The following YTHDC1 variants were observed in gnomAD, a reference collection of about 807,000 sequenced individuals.
YTHDC1 encodes the protein YTH N6-methyladenosine RNA binding protein C1.
Under a neutral mutation model 107.0 loss-of-function variants are expected in YTHDC1, and 12 were observed. The ratio of observed to expected loss-of-function variants is 0.11; its 90% CI spans 0.07 to 0.18. The LOEUF (loss-of-function observed/expected upper bound fraction) is 0.18, where lower values mean the gene tolerates loss of function less well. YTHDC1 is among the 10% of genes least tolerant of loss of function. The pLI is 1.00. For missense variants in YTHDC1, 635 were observed against 898.8 expected, an observed-to-expected ratio of 0.71 and a Z score of 3.75; for synonymous variants, 280 against 289.5, an observed-to-expected ratio of 0.97 and a Z score of 0.33.
Position 68,349,734 on chromosome 4 carries a change from TC to T in YTHDC1, c.19del (p.Glu7ArgfsTer14). On this transcript the variant is annotated frameshift_variant, in exon 1 of 17. Transcript: ENST00000344157. LOFTEE classifies it high-confidence loss of function. MAADSR[E>X]EKDGELNVLD... ...TCTTTCTCCGCACTAACCTTTCTCC[TC>T]CCGACTGTCAGCCGCCATGGCTCCC... is the stretch of plus-strand genomic sequence containing the variant. The T allele has an allele frequency of 6.2e-7, 1 of 1,608,214 alleles. No homozygotes were observed. The highest frequency in any genetic ancestry group is 8.5e-7 in the Non-Finnish European group (1 of 1,178,370).
intron 4 of YTHDC1, 38 bp from the exon 5 acceptor site, chr4:68,333,435 C>T: frequency 6.9e-7 from 1 of 1,446,766 alleles, no homozygotes; most frequent in Non-Finnish European, 9.6e-7. Flanking sequence ...AATCACAATA[C>T]AGAAACGAAG....
At chr4:68,332,262 G>C (rs562328186) in intron 6 of YTHDC1, 65 bp from the exon 7 acceptor site, 1 of 1,085,132 alleles carries the variant, frequency 9.2e-7, no homozygotes. Flanking sequence ...GGTCAAAACT[G>C]TACTAACTGA....
At chr4:68,338,778 A>G (rs561803587) in intron 1 of YTHDC1, among the ~76,000 whole-genome samples, 104 of 152,324 alleles carry the variant, frequency 6.8e-4, no homozygotes, top group Non-Finnish European at 1.2e-3. Context: ...TGAACCTGGG[A>G]AGCAGAGGTT....
chr4:68,343,744 G>A (rs987584957), intron 1 of YTHDC1, among the ~76,000 whole-genome samples: 1 of 150,072 alleles, frequency 6.7e-6, no homozygotes, highest in Non-Finnish European at 1.5e-5. Context: ...TGCCATGTTG[G>A]CCATGCTGGT....
Position 68,349,876 on chromosome 4 carries a change from C to A in YTHDC1, c.-123G>T. On this transcript the variant is annotated 5_prime_UTR_variant, in exon 1 of 17. Coordinates refer to ENST00000344157, the MANE Select transcript of YTHDC1 (RefSeq NM_001031732.4). ...AGTCCGTCTGCCCGGATACGCGCGT[C>A]GCACTTGGCCTCTTAACACTCAGCC... The A allele has an allele frequency of 7.3e-7, 1 of 1,369,496 alleles. No homozygotes were observed. The highest frequency in any genetic ancestry group is 1.2e-5 in the South Asian group (1 of 82,522). 84.8% of individuals were successfully genotyped at this position (1,369,496 alleles called of 1,614,324 possible).
chr4:68,343,498 G>A (rs1273111304), intron 1 of YTHDC1, among the ~76,000 whole-genome samples: 7 of 145,166 alleles, frequency 4.8e-5, no homozygotes, highest in Admixed American at 1.4e-4. Flanking sequence ...CACCGTGCCC[G>A]GCCTTAAAAA....
At chr4:68,327,883 A>G (rs944150380) in intron 9 of YTHDC1, among the ~76,000 whole-genome samples, 1 of 152,194 alleles carries the variant, frequency 6.6e-6, no homozygotes, top group Non-Finnish European at 1.5e-5. Flanking sequence ...ATAGAACTTG[A>G]GTATTAAAAC....
At chr4:68,349,447 C>CCT (rs1725829063) in intron 1 of YTHDC1, among the ~76,000 whole-genome samples, 2 of 152,170 alleles carry the variant, frequency 1.3e-5, no homozygotes, top group Admixed American at 6.5e-5. Flanking sequence ...AGAAAGGGCC[C>CCT]CTCTCAGCCC....
At chr4:68,316,163 A>AT (rs1445802357) in intron 16 of YTHDC1, 151 bp downstream of exon 16, 6 of 843,450 alleles carry the variant, frequency 7.1e-6, no homozygotes, top group Non-Finnish European at 1.0e-5. Context: ...ATAATCAGGC[A>AT]TTTTTAATAA....
rs1319929019 is a variant in YTHDC1, at chr4:68,337,339, A to G, written c.571T>C (p.Ser191Pro). 1 of 1,614,026 alleles carries G rather than the reference A, an allele frequency of 6.2e-7. No individual in the cohort carries two copies. Among genetic ancestry groups the G allele is most frequent in the Admixed American group, 1.7e-5 (1 of 59,978 alleles). Residue 191 changes from serine to proline, a missense_variant, in exon 4 of 17, where the codon TCT becomes CCT. Physicochemically the swap from Ser to Pro is moderately conservative, Grantham distance 74. Transcript: ENST00000344157. Reference sequence around the variant, plus strand: ...TCAGTGTTGTTCCCTTGCTCATCAGAAGAACCACTGCTGCCAGTCTCATGG... The same window carrying G: ...TCAGTGTTGTTCCCTTGCTCATCAGGAGAACCACTGCTGCCAGTCTCATGG... ...SDHETGSSGS[S>P]DEQGNNTENE...
intron 2 of YTHDC1, 35 bp downstream of exon 2, chr4:68,338,248 G>A: frequency 6.5e-7 from 1 of 1,534,162 alleles, no homozygotes; most frequent in South Asian, 1.2e-5. Context: ...TATTTATACT[G>A]TTATTTCAAC....
At chr4:68,343,873 CTACAT>C (rs1391084906) in intron 1 of YTHDC1, among the ~76,000 whole-genome samples, 5 of 151,962 alleles carry the variant, frequency 3.3e-5, no homozygotes, top group African/African-American at 1.2e-4. Flanking sequence ...TGAAACAATC[CTACAT>C]TAAACAGTAT....
rs1321893622 is a variant in YTHDC1, at chr4:68,337,244, ATCT to A, written c.663_665del (p.Glu221del). 6.3e-7 allele frequency: 1 copy of A among 1,598,142 alleles called. No homozygotes were observed. Among genetic ancestry groups the A allele is most frequent in the African/African-American group, 1.4e-5 (1 of 72,148 alleles). ...CCTCTCCATCTTCATCCACCTCTTCATCTTCTTCTGCATCTTCTTCTACTTCTT... is the reference window on the plus strand; with the variant it reads ...CCTCTCCATCTTCATCCACCTCTTCATCTTCTGCATCTTCTTCTACTTCTT... On this transcript the variant is annotated inframe_deletion, in exon 4 of 17. Transcript: ENST00000344157.
intron 1 of YTHDC1, among the ~76,000 whole-genome samples, chr4:68,347,161 G>C (rs1725541827): frequency 3.3e-5 from 5 of 152,098 alleles, no homozygotes; most frequent in Admixed American, 3.3e-4. Context: ...TTCTAGTCTG[G>C]TAATCTAGAA....
chr4:68,329,096 C>T (rs1006124518), intron 9 of YTHDC1, among the ~76,000 whole-genome samples: 2 of 152,144 alleles, frequency 1.3e-5, no homozygotes, highest in Admixed American at 6.6e-5. Flanking sequence ...CAGCTCCTCA[C>T]TATCCTACAA....
intron 15 of YTHDC1, among the ~76,000 whole-genome samples, chr4:68,317,569 T>C (rs1414388347): frequency 6.6e-6 from 1 of 152,242 alleles, no homozygotes; most frequent in Non-Finnish European, 1.5e-5. Context: ...TCTTAAAATA[T>C]ACTCTAAGAC....
At chr4:68,330,165 T>C (rs753923382) in intron 8 of YTHDC1, 37 bp downstream of exon 8, 1 of 1,572,240 alleles carries the variant, frequency 6.4e-7, no homozygotes, top group South Asian at 1.1e-5. Context: ...CTAATATAAT[T>C]AATGTTTTTA....
chr4:68,322,467 A>G lies in YTHDC1; in HGVS notation c.1601+282T>C. ...AGCAACAAATGCCTACCTCATTTCA[A>G]TTGTATACATTGTATTATCAGAGTA... On this transcript the variant is annotated intron_variant, in intron 11 of 16. Transcript: ENST00000344157. This position sits in a 1 kb window ranked among gnomAD's most constrained non-coding sequence, Gnocchi z 4.8. 2.9e-6 allele frequency: 1 copy of G among 348,808 alleles called. No individual in the cohort carries two copies. The highest frequency in any genetic ancestry group is 5.1e-6 in the Non-Finnish European group (1 of 194,526). 21.6% of individuals were successfully genotyped at this position (348,808 alleles called of 1,614,324 possible).
At chr4:68,324,097 G>T in intron 10 of YTHDC1, 42 bp downstream of exon 10, 1 of 1,539,784 alleles carries the variant, frequency 6.5e-7, no homozygotes, top group Non-Finnish European at 8.9e-7. Flanking sequence ...TAAAAGGGTT[G>T]ATTAAATGTG....
Sources: allele counts gnomAD v4.1 joint callset (sites outside exome capture counted in the v4.1 genomes callset), GRCh38; gene constraint gnomAD v4.1.1; non-coding constraint Gnocchi (gnomAD v3.1); transcripts MANE v1.5; gene names NCBI Gene and HGNC (gene_info 2026-07-23, HGNC 2026-07-21).